ZFPM2: variants seen among roughly 807,000 people sequenced by gnomAD.
ZFPM2 encodes zinc finger protein ZFPM2.
A neutral mutation model predicts 98.6 loss-of-function variants in ZFPM2; 20 were observed. The ratio of observed to expected loss-of-function variants is 0.20; its 90% CI spans 0.14 to 0.29. ZFPM2 has a LOEUF of 0.29. Among genes scored for constraint, ZFPM2 ranks in the 10% least tolerant of loss-of-function variants. The probability of loss-of-function intolerance (pLI) is 1.00; values close to 1 mark genes in which losing one functional copy is unlikely to be tolerated. For synonymous variants in ZFPM2, 518 were observed against 502.7 expected (o/e 1.03, Z -0.41); for missense variants, 1,310 against 1,388.6 (o/e 0.94, Z 0.90).
chr8:105,528,456 A>G (rs371875644), intron 3 of ZFPM2, among the ~76,000 whole-genome samples: 4 of 152,114 alleles, frequency 2.6e-5, no homozygotes, highest in African/African-American at 7.2e-5. Flanking sequence ...GCATTTCAGC[A>G]TTTTATACAC....
chr8:105,421,059 T>C (rs1243744174), intron 2 of ZFPM2, among the ~76,000 whole-genome samples: 2 of 152,086 alleles, frequency 1.3e-5, no homozygotes, highest in Non-Finnish European at 1.5e-5. Flanking sequence ...AGGTAGTAAT[T>C]TCCTGGGAGA....
chr8:105,642,266 A>G (rs1386508116), intron 5 of ZFPM2, among the ~76,000 whole-genome samples: 1 of 152,170 alleles, frequency 6.6e-6, no homozygotes, highest in African/African-American at 2.4e-5. Context: ...TGTGCCTAAC[A>G]TGATTATGCT....
At chr8:105,657,503 T>A (rs1421102618) in intron 5 of ZFPM2, among the ~76,000 whole-genome samples, 1 of 152,146 alleles carries the variant, frequency 6.6e-6, no homozygotes, top group Admixed American at 6.5e-5. Flanking sequence ...TGCATCCTCC[T>A]GATGTTTCAG....
intron 3 of ZFPM2, among the ~76,000 whole-genome samples, chr8:105,532,277 G>A (rs1256630405): frequency 2.0e-5 from 3 of 151,978 alleles, no homozygotes; most frequent in Non-Finnish European, 2.9e-5. Context: ...CAAAAGGAGT[G>A]CCTTATTTAT....
intron 5 of ZFPM2, among the ~76,000 whole-genome samples, chr8:105,739,450 T>G (rs546137888): frequency 3.3e-5 from 5 of 152,172 alleles, no homozygotes; most frequent in Admixed American, 1.3e-4. Context: ...TAATGTTCAG[T>G]AATTTACCTA....
chr8:105,667,097 G>A (rs1419747805), intron 5 of ZFPM2, among the ~76,000 whole-genome samples: 1 of 152,088 alleles, frequency 6.6e-6, no homozygotes, highest in Non-Finnish European at 1.5e-5. Flanking sequence ...TCAGATCTGA[G>A]TATTTGGCAG....
At chr8:105,560,842 A>G (rs888084169) in intron 3 of ZFPM2, among the ~76,000 whole-genome samples, 1 of 151,990 alleles carries the variant, frequency 6.6e-6, no homozygotes, top group Admixed American at 6.6e-5. Flanking sequence ...ACAAGTAAAA[A>G]CTCCGTCTAA....
chr8:105,775,306 C>G (rs1279043364), intron 5 of ZFPM2, among the ~76,000 whole-genome samples: 1 of 151,920 alleles, frequency 6.6e-6, no homozygotes, highest in African/African-American at 2.4e-5. Context: ...TTTCATTTCC[C>G]CCCCTCCCCT....
chr8:105,582,355 G>C (rs536433839), intron 4 of ZFPM2, among the ~76,000 whole-genome samples: 46 of 152,252 alleles, frequency 3.0e-4, no homozygotes, highest in African/African-American at 1.0e-3. Context: ...TGCCCCAAGG[G>C]ACACAGAGGG....
chr8:105,617,020 GAAAAAAAAAAAAAAAAAAAAAA>G (rs773023421), intron 4 of ZFPM2, among the ~76,000 whole-genome samples: 3,063 of 28,078 alleles, frequency 0.11, 95 homozygotes, highest in Non-Finnish European at 0.14. Context: ...ACTCTGTCTC[GAAAAAAAAAAAAAAAAAAAAAA>G]AAAAAAAAAA....
At chr8:105,653,833 A>C (rs1184681190) in intron 5 of ZFPM2, among the ~76,000 whole-genome samples, 2 of 117,624 alleles carry the variant, frequency 1.7e-5, no homozygotes, top group African/African-American at 6.1e-5. Flanking sequence ...TTTTGTCTTT[A>C]TACAACAGCT....
chr8:105,661,859 GT>G, intron 5 of ZFPM2, among the ~76,000 whole-genome samples: 1 of 152,186 alleles, frequency 6.6e-6, no homozygotes, highest in South Asian at 2.1e-4. Context: ...ATGGGGACAC[GT>G]TTAATTGAGT....
chr8:105,716,238 TATTTTATCCATATAAA>T (rs1276168050), intron 5 of ZFPM2, among the ~76,000 whole-genome samples: 7 of 150,406 alleles, frequency 4.7e-5, no homozygotes, highest in Non-Finnish European at 7.4e-5. Flanking sequence ...ATTTTATCTA[TATTTTATCCATATAAA>T]ATTTTATCCA....
chr8:105,425,598 G>T (rs114350774), intron 2 of ZFPM2, among the ~76,000 whole-genome samples: 3 of 152,274 alleles, frequency 2.0e-5, no homozygotes, highest in Non-Finnish European at 2.9e-5. Context: ...TTCTTCTGCC[G>T]ATAGGCATCC....
At chr8:105,369,266 C>T (rs932138235) in intron 1 of ZFPM2, among the ~76,000 whole-genome samples, 6 of 151,914 alleles carry the variant, frequency 3.9e-5, no homozygotes, top group Admixed American at 1.3e-4. Context: ...ATTATCCTGA[C>T]GTGAATTATA....
At chr8:105,399,534 G>T (rs1228705226) in intron 1 of ZFPM2, among the ~76,000 whole-genome samples, 2 of 152,172 alleles carry the variant, frequency 1.3e-5, no homozygotes, top group Non-Finnish European at 2.9e-5. Flanking sequence ...GTTCCAACTA[G>T]ATACAACTTC....
intron 4 of ZFPM2, among the ~76,000 whole-genome samples, chr8:105,588,414 T>C (rs2130758710): frequency 6.6e-6 from 1 of 151,528 alleles, no homozygotes; most frequent in African/African-American, 2.4e-5. Flanking sequence ...ATATTTTTTT[T>C]CCAAAAAAAA....
chr8:105,768,835 A>ACACG (rs1312620963), intron 5 of ZFPM2, among the ~76,000 whole-genome samples: 1 of 151,822 alleles, frequency 6.6e-6, no homozygotes, highest in Non-Finnish European at 1.5e-5. Flanking sequence ...ACACACACAC[A>ACACG]CACGCACGCA....
At chr8:105,497,072 G>C (rs60855925) in intron 3 of ZFPM2, among the ~76,000 whole-genome samples, 18,189 of 149,454 alleles carry the variant, frequency 0.12, 1,467 homozygotes, top group East Asian at 0.42. Flanking sequence ...TGTGAGCTCC[G>C]CCTCCAGGGT....
Sources: allele counts gnomAD v4.1 joint callset (sites outside exome capture counted in the v4.1 genomes callset), GRCh38; gene constraint gnomAD v4.1.1; transcripts MANE v1.5; gene names NCBI Gene and HGNC (gene_info 2026-07-23, HGNC 2026-07-21).